Variants in TRA2A observed in about 807,000 individuals in gnomAD.
TRA2A encodes the protein transformer 2 alpha homolog, also known as transformer-2 protein homolog alpha.
TRA2A carries 31 observed loss-of-function variants against 45.7 expected under a neutral mutation model. The observed-to-expected ratio is 0.68, with a 90% CI of 0.51 to 0.92. The LOEUF is 0.92. TRA2A is among the 40% of genes least tolerant of loss of function. The probability of loss-of-function intolerance (pLI) is 0.00; values close to 1 mark genes in which losing one functional copy is unlikely to be tolerated. For synonymous variants in TRA2A, 132 were observed against 126.2 expected (o/e 1.05, Z -0.31); for missense variants, 304 against 367.5 (o/e 0.83, Z 1.41).
chr7:23,505,924 CTTAATA>C (rs559043734), intron 6 of TRA2A, 111 bp from the exon 7 acceptor site: 214 of 737,108 alleles, frequency 2.9e-4, no homozygotes, highest in Middle Eastern at 2.2e-3. Context: ...GTGATAACTA[CTTAATA>C]TTAAGTTCTC....
intron 4 of TRA2A, among the ~76,000 whole-genome samples, chr7:23,510,919 C>T (rs1397174756): frequency 6.6e-6 from 1 of 151,816 alleles, no homozygotes; most frequent in Non-Finnish European, 1.5e-5. Context: ...AACTAAAGTA[C>T]TAGTTTGTTA....
At chr7:23,513,335 G>A (rs943957819) in intron 3 of TRA2A, among the ~76,000 whole-genome samples, 1 of 152,178 alleles carries the variant, frequency 6.6e-6, no homozygotes, top group Non-Finnish European at 1.5e-5. Flanking sequence ...GCCCAGCAAT[G>A]TTCATAATGT....
chr7:23,516,572 G>A (rs927031564), intron 2 of TRA2A, 44 bp from the exon 3 acceptor site: 14 of 1,575,496 alleles, frequency 8.9e-6, no homozygotes, highest in Non-Finnish European at 1.0e-5. Context: ...AAACAAAATG[G>A]CTAAAGTCCT....
At chr7:23,518,382 C>T (rs1177141108) in intron 2 of TRA2A, among the ~76,000 whole-genome samples, 2 of 152,128 alleles carry the variant, frequency 1.3e-5, no homozygotes, top group African/African-American at 4.8e-5. Context: ...CACTTCTTCA[C>T]CCAGGCTGGA....
chr7:23,513,312 TTC>T (rs1357187152), intron 3 of TRA2A, among the ~76,000 whole-genome samples: 1 of 152,174 alleles, frequency 6.6e-6, no homozygotes, highest in Admixed American at 6.5e-5. Context: ...AATTAAAATG[TTC>T]TTACTCTCCA....
At chr7:23,522,595 T>C (rs1790180122) in intron 1 of TRA2A, among the ~76,000 whole-genome samples, 1 of 151,566 alleles carries the variant, frequency 6.6e-6, no homozygotes, top group African/African-American at 2.4e-5. Flanking sequence ...GTCTTTAAAA[T>C]TGTTCAAAAC....
At chr7:23,515,647 G>A (rs1358648579) in intron 3 of TRA2A, among the ~76,000 whole-genome samples, 1 of 151,988 alleles carries the variant, frequency 6.6e-6, no homozygotes, top group Non-Finnish European at 1.5e-5. Flanking sequence ...CTGGGTTCAA[G>A]GGATTCTCCA....
Position 23,513,160 on chromosome 7 carries a change from A to T in TRA2A, c.337-78T>A, listed in dbSNP as rs1396827119. 3 of 968,318 alleles carry T rather than the reference A, an allele frequency of 3.1e-6. 1 individual carries two copies. The African/African-American group carries it at 5.0e-5, about 16-fold the overall frequency. 60.0% of individuals were successfully genotyped at this position (968,318 alleles called of 1,614,324 possible). On this transcript the variant is annotated intron_variant, in intron 3 of 7. Transcript: ENST00000297071. ...AACACAGAAATACTTTGTTTAGAACACCTCATCTAATACACAATAAATATA... is the reference window on the plus strand; with the variant it reads ...AACACAGAAATACTTTGTTTAGAACTCCTCATCTAATACACAATAAATATA...
chr7:23,528,795 G>A (rs1196977445), intron 1 of TRA2A, among the ~76,000 whole-genome samples: 1 of 151,738 alleles, frequency 6.6e-6, no homozygotes, highest in Admixed American at 6.6e-5. Flanking sequence ...AGCCTCCTAA[G>A]TAGCTAGGAT....
At chr7:23,516,256 G>A in intron 3 of TRA2A, 107 bp downstream of exon 3, 1 of 1,064,252 alleles carries the variant, frequency 9.4e-7, no homozygotes, top group Non-Finnish European at 1.4e-6. Flanking sequence ...GATGTTTCCA[G>A]AGTATCACTT....
intron 1 of TRA2A, among the ~76,000 whole-genome samples, chr7:23,529,439 T>C (rs1436780070): frequency 6.6e-6 from 1 of 152,108 alleles, no homozygotes; most frequent in African/African-American, 2.4e-5. Flanking sequence ...TTTGTATTTT[T>C]AGTAGAGACA....
intron 4 of TRA2A, among the ~76,000 whole-genome samples, chr7:23,508,902 T>C (rs1196971121): frequency 6.6e-6 from 1 of 152,174 alleles, no homozygotes; most frequent in Non-Finnish European, 1.5e-5. Context: ...ATGAGCCGCC[T>C]TGCACAGCCT....
rs1172172751 is a variant in TRA2A, at chr7:23,506,203, A to C, written c.705T>G (p.Asp235Glu). The change falls in exon 6 of 8, where the codon GAT (aspartate) becomes GAG (glutamate). Residue 235 changes from aspartate (D) to glutamate (E), a missense_variant. By Grantham distance (45) the Asp-to-Glu change is conservative. This residue lies in a region of TRA2A where 130 missense variants were observed against 217.1 expected (regional missense o/e 0.60). Transcript: ENST00000297071. ...GATCATATCCTCTATCATAGTAAGA[A>C]TCTCGACGTCTGCCACCACCTCCAC... is the stretch of plus-strand genomic sequence containing the variant. ...GGGGGGGRRRDSYYDRGYDRG... is the reference protein window; with the variant it reads ...GGGGGGGRRRESYYDRGYDRG... 6.2e-7 allele frequency: 1 copy of C among 1,613,548 alleles called. No individual in the cohort carries two copies. The highest frequency in any genetic ancestry group is 8.5e-7 in the Non-Finnish European group (1 of 1,179,738).
chr7:23,531,969 G>C lies in TRA2A; in HGVS notation c.-145C>G, dbSNP rs1039268687. On this transcript the variant is annotated 5_prime_UTR_variant, in exon 1 of 8. Transcript: ENST00000297071. ...CCACTCCACTCCCACTCGGTCGCAGGCTCCAGCAAAATGGCGCCGGCGCCG... is the reference window on the plus strand; with the variant it reads ...CCACTCCACTCCCACTCGGTCGCAGCCTCCAGCAAAATGGCGCCGGCGCCG... 5 of 854,738 alleles carry C rather than the reference G, an allele frequency of 5.8e-6. No homozygotes were observed. In the South Asian group the frequency reaches 8.0e-5, roughly 14 times the overall value. 52.9% of individuals were successfully genotyped at this position (854,738 alleles called of 1,614,324 possible).
chr7:23,512,465 T>C (rs1789667607), intron 4 of TRA2A, among the ~76,000 whole-genome samples: 1 of 152,090 alleles, frequency 6.6e-6, no homozygotes, highest in Non-Finnish European at 1.5e-5. Flanking sequence ...CAAGATCCTA[T>C]CTTTTTTTTT....
intron 4 of TRA2A, among the ~76,000 whole-genome samples, chr7:23,508,748 C>T (rs916151412): frequency 1.3e-5 from 2 of 152,152 alleles, no homozygotes; most frequent in Non-Finnish European, 2.9e-5. Flanking sequence ...CCTGCCTTGG[C>T]CTCCCAAAGT....
intron 2 of TRA2A, among the ~76,000 whole-genome samples, chr7:23,520,499 A>G (rs184669935): frequency 3.8e-4 from 58 of 152,300 alleles, no homozygotes; most frequent in African/African-American, 1.4e-3. Context: ...TAAGTAATCA[A>G]GCACCGGGCT....
intron 4 of TRA2A, among the ~76,000 whole-genome samples, chr7:23,508,003 A>G (rs147577849): frequency 3.9e-5 from 6 of 152,294 alleles, no homozygotes; most frequent in African/African-American, 1.4e-4. Context: ...TGACTTCAGA[A>G]CATTAAAAAG....
intron 5 of TRA2A, chr7:23,507,158 CTCTGTT>C: frequency 2.3e-6 from 1 of 434,158 alleles, no homozygotes; most frequent in Admixed American, 3.7e-5. Context: ...AAGAGTCTCA[CTCTGTT>C]GCCCAGGCTC....
Sources: gnomAD v4.1 joint callset for allele counts (sites outside exome capture counted in the v4.1 genomes callset) on GRCh38, gnomAD v4.1.1 for gene constraint, gnomAD v4.1.1 regional missense constraint, MANE v1.5 for transcripts, NCBI Gene and HGNC (gene_info 2026-07-23, HGNC 2026-07-21) for gene names.